TRIM26: variants seen among roughly 807,000 people sequenced by gnomAD.
The protein encoded by TRIM26 is tripartite motif containing 26, also known as tripartite motif-containing protein 26.
TRIM26 carries 16 observed loss-of-function variants against 45.5 expected under a neutral mutation model. The ratio of observed to expected loss-of-function variants is 0.35; its 90% CI spans 0.24 to 0.53. The LOEUF is 0.53. Among genes scored for constraint, TRIM26 ranks in the 20% least tolerant of loss-of-function variants. The probability of loss-of-function intolerance (pLI) is 0.92; values close to 1 mark genes in which losing one functional copy is unlikely to be tolerated. For missense variants in TRIM26, 442 were observed against 691.1 expected (o/e 0.64, Z 4.04); for synonymous variants, 273 against 290.4 (o/e 0.94, Z 0.61).
chr6:30,193,412 C>G (rs1776154951), intron 6 of TRIM26, among the ~76,000 whole-genome samples: 1 of 150,906 alleles, frequency 6.6e-6, no homozygotes, highest in African/African-American at 2.4e-5. Context: ...AAACTCCTGA[C>G]CTCGTGATCC....
rs772862335 is a variant in TRIM26 at position 30,186,428 on chromosome 6, C to A, written c.1068G>T (p.Gly356=). The part of the protein sequence containing the change: ...LHPQQFDCEP[G]VLGSKGFTWG... ...AGGTGAAGCCCTTGCTGCCTAGCAC[C>A]CCAGGCTCACAGTCAAACTGCTGGG... Residue 356 remains glycine (G), a synonymous_variant, in exon 10 of 10, where the codon GGG becomes GGT. Coordinates refer to ENST00000454678, the MANE Select transcript of TRIM26 (RefSeq NM_003449.5). The surrounding 1 kb of genome is among the most constrained non-coding windows in gnomAD (Gnocchi z 7.4). The A allele has an allele frequency of 6.2e-7, 1 of 1,607,292 alleles. No individual in the cohort carries two copies. Among genetic ancestry groups the A allele is most frequent in the South Asian group, 1.1e-5 (1 of 90,226 alleles).
intron 1 of TRIM26, among the ~76,000 whole-genome samples, chr6:30,206,342 T>C (rs546373941): frequency 6.6e-6 from 1 of 152,240 alleles, no homozygotes; most frequent in South Asian, 2.1e-4. Flanking sequence ...TGGCTTACTT[T>C]CCCCACGGAG....
chr6:30,193,131 CAT>C (rs41316798), intron 6 of TRIM26, among the ~76,000 whole-genome samples: 1,181 of 42,530 alleles, frequency 0.028, 27 homozygotes, highest in Admixed American at 0.11. Flanking sequence ...TATATATATA[CAT>C]ATATGTGTGT....
At chr6:30,188,169 G>A (rs1258384433) in intron 9 of TRIM26, 4 of 153,682 alleles carry the variant, frequency 2.6e-5, no homozygotes, top group Admixed American at 7.8e-5. Context: ...GCAGTGAGCC[G>A]AGATTGCGCC....
At chr6:30,193,732 C>T (rs7383511) in intron 6 of TRIM26, among the ~76,000 whole-genome samples, 63,153 of 151,856 alleles carry the variant, frequency 0.42, 13,375 homozygotes, top group Non-Finnish European at 0.45. Context: ...TGTTTGTGTC[C>T]TCTTCAATTT....
At chr6:30,201,233 G>A (rs553342351) in intron 2 of TRIM26, 95 bp from the exon 3 acceptor site, 87 of 152,264 alleles carry the variant, frequency 5.7e-4, no homozygotes, top group African/African-American at 2.0e-3. Flanking sequence ...TGACATTAAT[G>A]GGACAGAAAT....
chr6:30,193,114 A>G lies in TRIM26; in HGVS notation c.766-3079T>C, dbSNP rs28414439. Among the ~76,000 whole-genome samples, 39 of 93,642 alleles carry G rather than the reference A, an allele frequency of 4.2e-4. 5 individuals are homozygous for G. Among genetic ancestry groups the G allele is most frequent in the East Asian group, 2.6e-3 (10 of 3,824 alleles). 61.4% of individuals were successfully genotyped at this position (93,642 alleles called of 152,430 possible). ...TATATATGTATCTATATACATATAT[A>G]TGTGTATATATATATACATATATGT... On this transcript the variant is annotated intron_variant, in intron 6 of 9. Coordinates refer to ENST00000454678, the MANE Select transcript of TRIM26 (RefSeq NM_003449.5).
At position 30,185,529 on chromosome 6, in the gene TRIM26, T is replaced by C; in HGVS notation, c.*347A>G. The C allele has an allele frequency of 3.0e-6, 1 of 333,772 alleles. No individual in the cohort carries two copies. The highest frequency in any genetic ancestry group is 5.4e-6 in the Non-Finnish European group (1 of 184,620). 20.7% of individuals were successfully genotyped at this position (333,772 alleles called of 1,614,324 possible). A position where few individuals can be genotyped will look rare whatever the true frequency, so the allele number is the denominator to read the frequency against. The stretch of plus-strand genomic sequence containing the variant: ...TAATTGACTGGTTTTTCTGAGGTCT[T>C]GCCACACTGGGCAAGAAAATGCTGC... On this transcript the variant is annotated 3_prime_UTR_variant, in exon 10 of 10. Transcript: ENST00000454678. This position sits in a 1 kb window ranked among gnomAD's most constrained non-coding sequence, Gnocchi z 5.7.
chr6:30,212,842 G>A (rs1406192873), intron 1 of TRIM26, among the ~76,000 whole-genome samples: 1 of 138,024 alleles, frequency 7.2e-6, no homozygotes, highest in Non-Finnish European at 1.5e-5. Context: ...AAATCAGTAA[G>A]AAAAATGCTA....
At chr6:30,201,646 C>A (rs2127519905) in intron 2 of TRIM26, among the ~76,000 whole-genome samples, 1 of 152,176 alleles carries the variant, frequency 6.6e-6, no homozygotes, top group African/African-American at 2.4e-5. Context: ...GAGATTGAGA[C>A]CATCCTGGCT....
rs1267093991 is a variant in TRIM26, at chr6:30,186,286, C to T, written c.1210G>A (p.Gly404Arg). 2 of 1,608,796 alleles carry T rather than the reference C, an allele frequency of 1.2e-6. No individual in the cohort carries two copies. The highest frequency in any genetic ancestry group is 8.5e-7 in the Non-Finnish European group (1 of 1,176,756). Residue 404 changes from glycine (G) to arginine (R), a missense_variant, in exon 10 of 10, where the codon GGG (glycine) becomes AGG (arginine). By Grantham distance (125) the Gly-to-Arg change is moderately radical. Coordinates refer to ENST00000454678, the MANE Select transcript of TRIM26 (RefSeq NM_003449.5). The surrounding 1 kb of genome is among the most constrained non-coding windows in gnomAD (Gnocchi z 7.4). ...GTTTCCCAGTCGTCATATCCATCCC[C>T]ATAGCCGGCCTCCTCTTCCTCCTCC... The part of the protein sequence containing the change: ...EEEEEEEAGY[G>R]DGYDDWETDE...
intron 1 of TRIM26, among the ~76,000 whole-genome samples, chr6:30,205,156 G>A (rs963090189): frequency 6.6e-6 from 1 of 152,108 alleles, no homozygotes; most frequent in Non-Finnish European, 1.5e-5. Flanking sequence ...CAGGAGAATC[G>A]CTTGAACCCA....
At chr6:30,199,918 G>A (rs1457011467) in intron 3 of TRIM26, among the ~76,000 whole-genome samples, 2 of 152,062 alleles carry the variant, frequency 1.3e-5, no homozygotes, top group East Asian at 3.9e-4. Context: ...TTACAGGCGT[G>A]AGCCACTGCA....
Position 30,186,811 on chromosome 6 carries a change from C to T in TRIM26, c.938-253G>A, listed in dbSNP as rs557878254. 8.3e-6 allele frequency: 9 copies of T among 1,090,838 alleles called. No individual in the cohort carries two copies. Among genetic ancestry groups the T allele is most frequent in the South Asian group, 5.3e-5 (4 of 75,030 alleles). 67.6% of individuals were successfully genotyped at this position (1,090,838 alleles called of 1,614,324 possible). A position where few individuals can be genotyped will look rare whatever the true frequency, so the allele number is the denominator to read the frequency against. ...AATTTAACTTGACTGTTTTCGCTTA[C>T]GCTCTGATTCCAAACAAAACTTTTC... is the stretch of plus-strand genomic sequence containing the variant. On this transcript the variant is annotated intron_variant, in intron 9 of 9. Coordinates refer to ENST00000454678, the MANE Select transcript of TRIM26 (RefSeq NM_003449.5). This position sits in a 1 kb window ranked among gnomAD's most constrained non-coding sequence, Gnocchi z 7.4.
At position 30,196,561 on chromosome 6, in the gene TRIM26, G is replaced by A. The variant is rs143679669; in HGVS notation, c.720C>T (p.Ser240=). 6.0e-4 allele frequency: 967 copies of A among 1,611,688 alleles called. 2 individuals carry two copies. Among genetic ancestry groups the A allele is most frequent in the African/African-American group, 4.8e-3 (362 of 75,034 alleles). The part of the protein sequence containing the change: ...GELARLALVI[S]ELEGKAQQPA... ...GCTGCTGCGCCTTGCCCTCCAGTTC[G>A]GAGATGACCAGGGCCAGCCGGGCAA... is the stretch of plus-strand genomic sequence containing the variant. Residue 240 remains serine (S), a synonymous_variant, in exon 6 of 10, where the codon TCC becomes TCT. Coordinates refer to ENST00000454678, the MANE Select transcript of TRIM26 (RefSeq NM_003449.5). This position sits in a 1 kb window ranked among gnomAD's most constrained non-coding sequence, Gnocchi z 4.9.
rs916977145 is a variant in TRIM26, at chr6:30,189,353, G to GTGC, written c.904+62_904+64dup. ...CGACAAGGTGATGGAAAGGAGCTGG[G>GTGC]TGCGCTCTTTCTACGAGGTAGCCCT... On this transcript the variant is annotated intron_variant, in intron 8 of 9. Transcript: ENST00000454678. This position sits in a 1 kb window ranked among gnomAD's most constrained non-coding sequence, Gnocchi z 5.0. The GTGC allele has an allele frequency of 3.2e-6, 5 of 1,575,198 alleles. No homozygotes were observed. The African/African-American group carries it at 6.7e-5, about 21-fold the overall frequency.
At chr6:30,193,162 G>GTGTATA (rs1461878897) in intron 6 of TRIM26, among the ~76,000 whole-genome samples, 1 of 32,006 alleles carries the variant, frequency 3.1e-5, no homozygotes, top group African/African-American at 1.7e-4. Context: ...GTGTGTGTGT[G>GTGTATA]TATATATATA....
In TRIM26 at chr6:30,207,597, G is replaced by A. The variant is rs1777851412; in HGVS notation, c.-375-2832C>T. On this transcript the variant is annotated intron_variant, in intron 1 of 9. Coordinates refer to ENST00000454678, the MANE Select transcript of TRIM26 (RefSeq NM_003449.5). The surrounding 1 kb of genome is among the most constrained non-coding windows in gnomAD (Gnocchi z 4.9). ...CCCTCAATGGCTTTCTGGTGCTCCA[G>A]GAATAAAGTCAAAACTCCTGTCCTT... Among the ~76,000 whole-genome samples the A allele has an allele frequency of 6.6e-6, 1 of 152,138 alleles. No homozygotes were observed. Among genetic ancestry groups the A allele is most frequent in the Admixed American group, 6.5e-5 (1 of 15,278 alleles).
intron 9 of TRIM26, chr6:30,188,594 GCCT>G (rs760075322): frequency 4.7e-5 from 11 of 232,184 alleles, no homozygotes; most frequent in Non-Finnish European, 8.0e-5. Context: ...AGCTCTCAGG[GCCT>G]CGTTTGCTCC....
Sources: gnomAD v4.1 joint callset for allele counts (sites outside exome capture counted in the v4.1 genomes callset) on GRCh38, gnomAD v4.1.1 for gene constraint, Gnocchi (gnomAD v3.1) non-coding constraint, MANE v1.5 for transcripts, NCBI Gene and HGNC (gene_info 2026-07-23, HGNC 2026-07-21) for gene names.